The following RBPJ variants were observed in gnomAD, a reference collection of about 807,000 sequenced individuals.
The protein encoded by RBPJ is recombining binding protein suppressor of hairless.
RBPJ carries 9 observed loss-of-function variants against 67.8 expected under a neutral mutation model. That is an observed-to-expected ratio of 0.13 (90% CI 0.08 to 0.23). The LOEUF (loss-of-function observed/expected upper bound fraction) is 0.23. Among genes scored for constraint, RBPJ ranks in the 10% least tolerant of loss-of-function variants. The pLI is 1.00. For synonymous variants in RBPJ, 198 were observed against 203.3 expected, an observed-to-expected ratio of 0.97 and a Z score of 0.22; for missense variants, 305 against 595.6, an observed-to-expected ratio of 0.51 and a Z score of 5.08.
chr4:26,191,210 T>TATAGAGAGAG (rs1364457297), intron 1 of RBPJ, among the ~76,000 whole-genome samples: 2 of 26,838 alleles, frequency 7.5e-5, no homozygotes, highest in Non-Finnish European at 1.2e-4. Flanking sequence ...TATATATATA[T>TATAGAGAGAG]AGAGAGAGAG....
intron 1 of RBPJ, among the ~76,000 whole-genome samples, chr4:26,282,828 A>G (rs1191062358): frequency 6.7e-6 from 1 of 149,292 alleles, no homozygotes; most frequent in Non-Finnish European, 1.5e-5. Context: ...GCGGAGCTTC[A>G]TGTATTTCAT....
intron 1 of RBPJ, among the ~76,000 whole-genome samples, chr4:26,202,544 A>G (rs1718015660): frequency 6.7e-6 from 1 of 150,348 alleles, no homozygotes; most frequent in African/African-American, 2.4e-5. Context: ...GTCATTCTTG[A>G]CTATCAATTC....
chr4:26,302,158 C>A (rs971244753), intron 1 of RBPJ, among the ~76,000 whole-genome samples: 2 of 152,090 alleles, frequency 1.3e-5, no homozygotes, highest in African/African-American at 4.8e-5. Flanking sequence ...AGTATAACAA[C>A]AAGGAGAAAG....
intron 2 of RBPJ, among the ~76,000 whole-genome samples, chr4:26,389,232 A>C (rs1404735794): frequency 2.0e-5 from 3 of 151,946 alleles, no homozygotes; most frequent in African/African-American, 7.3e-5. Flanking sequence ...CCATCTAAAA[A>C]AAAAATCAGT....
Position 26,420,616 on chromosome 4 carries a change from T to G in RBPJ, c.387T>G (p.Ser129=). 1 of 1,613,978 alleles carries G rather than the reference T, an allele frequency of 6.2e-7. No homozygotes were observed. Among genetic ancestry groups the G allele is most frequent in the Non-Finnish European group, 8.5e-7 (1 of 1,179,862 alleles). The change falls in exon 5 of 11, where the codon TCT becomes TCG. Residue 129 remains serine (S), a synonymous_variant. Coordinates refer to ENST00000355476, the MANE Select transcript of RBPJ (RefSeq NM_015874.6). ...DSDKRKHFML[S]VKMFYGNSDD... is the part of the protein sequence containing the mutation. Reference sequence around the variant, plus strand: ...ACAAGCGAAAGCACTTCATGTTGTCTGTAAAGATGTTCTATGGCAACAGTG... The same window carrying G: ...ACAAGCGAAAGCACTTCATGTTGTCGGTAAAGATGTTCTATGGCAACAGTG...
chr4:26,228,179 T>C (rs1017674763), intron 1 of RBPJ, among the ~76,000 whole-genome samples: 1 of 152,236 alleles, frequency 6.6e-6, no homozygotes, highest in African/African-American at 2.4e-5. Flanking sequence ...GGTTTATTTG[T>C]TCGAGCTTAT....
At chr4:26,223,764 T>C (rs1397947604) in intron 1 of RBPJ, among the ~76,000 whole-genome samples, 1 of 152,180 alleles carries the variant, frequency 6.6e-6, no homozygotes, top group East Asian at 1.9e-4. Context: ...AGAGTGGCAG[T>C]CAGAGGATAG....
the RBPJ span, chr4:26,113,646 G>A: frequency 6.7e-6 from 2 of 300,750 alleles, no homozygotes; most frequent in African/African-American, 2.2e-5. Flanking sequence ...ACACACACAC[G>A]AGAGAAATCC....
the RBPJ span, among the ~76,000 whole-genome samples, chr4:26,148,381 G>A: frequency 6.6e-6 from 1 of 152,186 alleles, no homozygotes; most frequent in Non-Finnish European, 1.5e-5. Flanking sequence ...AACTAGGTAG[G>A]AAAAGCATGT....
intron 1 of RBPJ, among the ~76,000 whole-genome samples, chr4:26,178,898 C>A (rs1716887906): frequency 6.6e-6 from 1 of 152,084 alleles, no homozygotes. Context: ...TAAAAATAAA[C>A]AAATAAGTTA....
At chr4:26,295,284 G>T (rs1410539959) in intron 1 of RBPJ, among the ~76,000 whole-genome samples, 1 of 148,454 alleles carries the variant, frequency 6.7e-6, no homozygotes, top group Non-Finnish European at 1.5e-5. Context: ...GTGTGTGTGT[G>T]CATGGGTGTG....
intron 1 of RBPJ, among the ~76,000 whole-genome samples, chr4:26,182,379 C>G (rs1214322686): frequency 6.6e-6 from 1 of 151,900 alleles, no homozygotes; most frequent in Non-Finnish European, 1.5e-5. Context: ...ATTTTTGACT[C>G]TTTCGTAATA....
the RBPJ span, among the ~76,000 whole-genome samples, chr4:26,110,195 T>C: frequency 1.3e-5 from 2 of 152,226 alleles, no homozygotes; most frequent in East Asian, 1.9e-4. The surrounding 1 kb of genome is among the most constrained non-coding windows in gnomAD (Gnocchi z 4.5). Context: ...TACATTTCAA[T>C]TTCTCTGTAC....
At chr4:26,333,005 A>T (rs1417693803) in intron 1 of RBPJ, among the ~76,000 whole-genome samples, 2 of 152,206 alleles carry the variant, frequency 1.3e-5, no homozygotes, top group African/African-American at 4.8e-5. Flanking sequence ...TATACCAGGA[A>T]ATAATCACTG....
At chr4:26,173,230 G>C (rs1373636452) in intron 1 of RBPJ, among the ~76,000 whole-genome samples, 1 of 152,142 alleles carries the variant, frequency 6.6e-6, no homozygotes, top group Admixed American at 6.5e-5. Flanking sequence ...CCATCTCCCA[G>C]GTTTGAGCGA....
intron 1 of RBPJ, among the ~76,000 whole-genome samples, chr4:26,287,658 A>G (rs1457429280): frequency 3.0e-5 from 4 of 134,160 alleles, no homozygotes; most frequent in Non-Finnish European, 6.3e-5. Context: ...AGAGAAGAAA[A>G]GAGAAGAAAA....
chr4:26,355,637 C>G (rs1727290637), intron 1 of RBPJ, among the ~76,000 whole-genome samples: 2 of 152,146 alleles, frequency 1.3e-5, no homozygotes, highest in African/African-American at 4.8e-5. Context: ...GACCCCATCT[C>G]TTAAAACATC....
chr4:26,311,194 G>A (rs1163254580), intron 1 of RBPJ, among the ~76,000 whole-genome samples: 1 of 151,976 alleles, frequency 6.6e-6, no homozygotes, highest in African/African-American at 2.4e-5. Flanking sequence ...CTGAGGCACT[G>A]ACAAGTTAAA....
chr4:26,124,876 G>C, the RBPJ span, among the ~76,000 whole-genome samples: 1 of 152,276 alleles, frequency 6.6e-6, no homozygotes, highest in Admixed American at 6.5e-5. Flanking sequence ...CCCATATGCA[G>C]TTCATCATTG....
Sources: gnomAD v4.1 joint callset for allele counts (sites outside exome capture counted in the v4.1 genomes callset) on GRCh38, gnomAD v4.1.1 for gene constraint, Gnocchi (gnomAD v3.1) non-coding constraint, MANE v1.5 for transcripts, NCBI Gene and HGNC (gene_info 2026-07-23, HGNC 2026-07-21) for gene names.